AXDND1: variants seen among roughly 807,000 people sequenced by gnomAD.
AXDND1 encodes axonemal dynein light chain domain-containing protein 1.
AXDND1 carries 110 observed loss-of-function variants against 137.5 expected under a neutral mutation model. The observed-to-expected ratio is 0.80, with a 90% CI of 0.69 to 0.94. The LOEUF (loss-of-function observed/expected upper bound fraction) is 0.94. Among genes scored for constraint, AXDND1 ranks in the 40% least tolerant of loss-of-function variants. The probability of loss-of-function intolerance (pLI) is 0.00; values close to 1 mark genes in which losing one functional copy is unlikely to be tolerated. For synonymous variants in AXDND1, 414 were observed against 399.7 expected, an observed-to-expected ratio of 1.04 and a Z score of -0.43; for missense variants, 1,191 against 1,169.8, an observed-to-expected ratio of 1.02 and a Z score of -0.26.
chr1:179,383,027 G>C (rs1179340506), intron 7 of AXDND1, among the ~76,000 whole-genome samples: 1 of 151,746 alleles, frequency 6.6e-6, no homozygotes, highest in African/African-American at 2.4e-5. Context: ...TATATTCTAT[G>C]TTTAACCATT....
rs1402876468 is a variant in AXDND1, at chr1:179,525,102, A to T, written c.2497-232A>T. Among the ~76,000 whole-genome samples, 4 of 152,156 alleles carry T rather than the reference A, an allele frequency of 2.6e-5. No individual in the cohort carries two copies. The East Asian group carries it at 5.8e-4, about 22-fold the overall frequency. On this transcript the variant is annotated intron_variant, in intron 21 of 25. Coordinates refer to ENST00000367618, the MANE Select transcript of AXDND1 (RefSeq NM_144696.6). Reference sequence around the variant, plus strand: ...ACCAACTCCCTCTTTTACCCAGTCCACTACCTGGTCTAAATTAGGTGCTCC... The same window carrying T: ...ACCAACTCCCTCTTTTACCCAGTCCTCTACCTGGTCTAAATTAGGTGCTCC...
chr1:179,527,955 C>A (rs1445064565), intron 22 of AXDND1, among the ~76,000 whole-genome samples: 2 of 152,132 alleles, frequency 1.3e-5, no homozygotes, highest in Non-Finnish European at 2.9e-5. Context: ...CCTGAAGTAC[C>A]TAGGAAGAAG....
intron 25 of AXDND1, among the ~76,000 whole-genome samples, chr1:179,542,604 C>A (rs188975507): frequency 4.8e-3 from 733 of 152,212 alleles, no homozygotes; most frequent in Middle Eastern, 0.041. Context: ...GAAAACTGGA[C>A]CTTTTCTAGA....
At chr1:179,437,265 G>A (rs2125335286) in intron 15 of AXDND1, among the ~76,000 whole-genome samples, 1 of 152,236 alleles carries the variant, frequency 6.6e-6, no homozygotes, top group East Asian at 1.9e-4. Flanking sequence ...AAAGCCCTCT[G>A]TATTTATTAG....
chr1:179,405,710 T>TTTTG (rs144564997), intron 11 of AXDND1, among the ~76,000 whole-genome samples: 1 of 151,558 alleles, frequency 6.6e-6, no homozygotes, highest in East Asian at 1.9e-4. Flanking sequence ...TTATATCTCT[T>TTTTG]TTTGTTTGTT....
In AXDND1 at chr1:179,444,935, A is replaced by C. The variant is rs201690349; in HGVS notation, c.1564-35A>C. On this transcript the variant is annotated intron_variant, in intron 15 of 25. Transcript: ENST00000367618. ...GACTTTGATAAACTCATTAGTGGAT[A>C]ATATGCTACTCTCCCTCTTCCTTTC... 1.5e-5 allele frequency: 22 copies of C among 1,448,072 alleles called. No homozygotes were observed. In the African/African-American group the frequency reaches 2.7e-4, roughly 18 times the overall value. The allele number at this position is 1,448,072 out of a possible 1,614,324, so 89.7% of individuals were successfully genotyped here.
intron 9 of AXDND1, among the ~76,000 whole-genome samples, chr1:179,388,753 A>ATTT (rs34937470): frequency 7.2e-6 from 1 of 139,200 alleles, no homozygotes; most frequent in African/African-American, 2.6e-5. Context: ...ATGCCTGGCT[A>ATTT]TTTTTTTTTT....
At chr1:179,539,880 G>A (rs1671949855) in intron 25 of AXDND1, among the ~76,000 whole-genome samples, 1 of 151,842 alleles carries the variant, frequency 6.6e-6, no homozygotes, top group Non-Finnish European at 1.5e-5. Context: ...TGGAGGCTTT[G>A]TTCATTTCTT....
intron 12 of AXDND1, among the ~76,000 whole-genome samples, chr1:179,424,086 T>C (rs1465799477): frequency 6.6e-6 from 1 of 152,162 alleles, no homozygotes; most frequent in Non-Finnish European, 1.5e-5. Context: ...CTCTCCTTCA[T>C]ATTTAAAGAA....
chr1:179,547,005 A>G (rs1223592432), intron 25 of AXDND1, among the ~76,000 whole-genome samples: 1 of 152,174 alleles, frequency 6.6e-6, no homozygotes, highest in Non-Finnish European at 1.5e-5. Context: ...TCAATGACCC[A>G]GATACTACTT....
At chr1:179,367,462 C>T (rs1224202538) in intron 2 of AXDND1, among the ~76,000 whole-genome samples, 1 of 152,124 alleles carries the variant, frequency 6.6e-6, no homozygotes, top group Non-Finnish European at 1.5e-5. Context: ...TTGCAGTGAG[C>T]CGAGATTGCG....
At chr1:179,513,830 G>T (rs1336806349) in intron 21 of AXDND1, among the ~76,000 whole-genome samples, 1 of 149,360 alleles carries the variant, frequency 6.7e-6, no homozygotes, top group East Asian at 2.1e-4. Context: ...ATCTCTTCTA[G>T]GTTTTCTAGT....
At chr1:179,460,582 A>G (rs573214155) in intron 16 of AXDND1, among the ~76,000 whole-genome samples, 33 of 152,288 alleles carry the variant, frequency 2.2e-4, no homozygotes, top group African/African-American at 6.7e-4. Context: ...GAATGGCTGG[A>G]TCAAATGGTA....
rs753636795 is a variant in AXDND1, at chr1:179,410,508, G to A, written c.1110-638G>A. Among the ~76,000 whole-genome samples, 11 of 152,306 alleles carry A rather than the reference G, an allele frequency of 7.2e-5. No homozygotes were observed. In the South Asian group the frequency reaches 8.3e-4, roughly 11 times the overall value. On this transcript the variant is annotated intron_variant, in intron 11 of 25. Coordinates refer to ENST00000367618, the MANE Select transcript of AXDND1 (RefSeq NM_144696.6). ...CTCCCAATGTGTTGGGATTACTGGCGTGAGCCACTGCGCCCAGCCAGGAAG... is the reference window on the plus strand; with the variant it reads ...CTCCCAATGTGTTGGGATTACTGGCATGAGCCACTGCGCCCAGCCAGGAAG...
intron 12 of AXDND1, among the ~76,000 whole-genome samples, chr1:179,415,610 A>G (rs1654574851): frequency 1.3e-5 from 2 of 152,154 alleles, no homozygotes; most frequent in Admixed American, 6.5e-5. Flanking sequence ...CATTACCCTC[A>G]AAAGAAACTC....
intron 12 of AXDND1, among the ~76,000 whole-genome samples, chr1:179,426,938 G>A (rs1656658229): frequency 6.6e-6 from 1 of 152,036 alleles, no homozygotes; most frequent in African/African-American, 2.4e-5. Context: ...GAGGCTGGTG[G>A]ATGGCCTGAT....
At chr1:179,468,349 A>T (rs1403638919) in intron 16 of AXDND1, 94 bp from the exon 17 acceptor site, 1 of 857,056 alleles carries the variant, frequency 1.2e-6, no homozygotes, top group East Asian at 2.7e-5. Context: ...TTTTTAAAAG[A>T]TAATGCCCTT....
At chr1:179,429,663 G>A in intron 13 of AXDND1, 44 bp downstream of exon 13, 4 of 1,225,928 alleles carry the variant, frequency 3.3e-6, no homozygotes, top group Non-Finnish European at 3.4e-6. Context: ...AAGATGCCAA[G>A]TGGTGAGGGT....
chr1:179,539,350 G>T (rs2125721701), intron 25 of AXDND1, among the ~76,000 whole-genome samples: 1 of 152,240 alleles, frequency 6.6e-6, no homozygotes, highest in South Asian at 2.1e-4. Flanking sequence ...TCCATGTTTA[G>T]TGCTTCCTTC....
Sources: gnomAD v4.1 joint callset for allele counts (sites outside exome capture counted in the v4.1 genomes callset) on GRCh38, gnomAD v4.1.1 for gene constraint, MANE v1.5 for transcripts, NCBI Gene and HGNC (gene_info 2026-07-23, HGNC 2026-07-21) for gene names.